The following CSMD1 variants were observed in gnomAD, a reference collection of about 807,000 sequenced individuals.
CSMD1 encodes the protein CUB and sushi domain-containing protein 1.
In CSMD1, 213 loss-of-function variants were observed where a neutral mutation model predicts 417.5. The observed-to-expected ratio is 0.51, with a 90% CI of 0.46 to 0.57. The LOEUF (loss-of-function observed/expected upper bound fraction) is 0.57. CSMD1 is among the 20% of genes least tolerant of loss of function. CSMD1 has a pLI of 0.00. For missense variants in CSMD1, 6,923 were observed against 4,529.7 expected (o/e 1.53, Z -15.17); for synonymous variants, 2,862 against 1,736.8 (o/e 1.65, Z -16.11).
At chr8:3,291,348 T>G (rs1449059003) in intron 25 of CSMD1, among the ~76,000 whole-genome samples, 1 of 50,822 alleles carries the variant, frequency 2.0e-5, no homozygotes, top group Non-Finnish European at 4.6e-5. Flanking sequence ...ATAAAATAAG[T>G]TAGGGAGGAT....
intron 1 of CSMD1, among the ~76,000 whole-genome samples, chr8:4,832,917 T>G (rs556102783): frequency 1.3e-5 from 2 of 152,212 alleles, no homozygotes; most frequent in Admixed American, 1.3e-4. Flanking sequence ...CACTCTAAGT[T>G]TAGTACCCTT....
chr8:4,219,504 C>A (rs991485573), intron 3 of CSMD1, among the ~76,000 whole-genome samples: 8 of 152,186 alleles, frequency 5.3e-5, no homozygotes, highest in South Asian at 2.1e-4. Context: ...TGGGTGTTCC[C>A]AACATTTCTC....
At chr8:4,360,169 G>A (rs902836990) in intron 3 of CSMD1, among the ~76,000 whole-genome samples, 3 of 152,162 alleles carry the variant, frequency 2.0e-5, no homozygotes, top group East Asian at 3.9e-4. Context: ...ACACGTGAGA[G>A]TGACTGTCAC....
chr8:3,685,087 C>T (rs573905030), intron 7 of CSMD1, among the ~76,000 whole-genome samples: 1 of 152,182 alleles, frequency 6.6e-6, no homozygotes, highest in African/African-American at 2.4e-5. Flanking sequence ...CATTATAAAA[C>T]GATTTACTGG....
chr8:3,096,384 A>C (rs1314674291), intron 47 of CSMD1, among the ~76,000 whole-genome samples: 1 of 152,158 alleles, frequency 6.6e-6, no homozygotes, highest in Non-Finnish European at 1.5e-5. Context: ...TTCTCCTGAT[A>C]GTAAGTCCCA....
chr8:4,773,402 T>G (rs749494574), intron 1 of CSMD1, among the ~76,000 whole-genome samples: 1 of 152,148 alleles, frequency 6.6e-6, no homozygotes, highest in Admixed American at 6.6e-5. Flanking sequence ...GCTCCTTGTT[T>G]CTGCAGCAGT....
chr8:3,987,666 C>A lies in CSMD1; in HGVS notation c.818+10237G>T, dbSNP rs555753948. Among the ~76,000 whole-genome samples, 206 of 152,186 alleles carry A rather than the reference C, an allele frequency of 1.4e-3. 1 individual carries two copies. Among genetic ancestry groups the A allele is most frequent in the African/African-American group, 4.8e-3 (199 of 41,522 alleles). On this transcript the variant is annotated intron_variant, in intron 5 of 69. Coordinates refer to ENST00000635120, the MANE Select transcript of CSMD1 (RefSeq NM_033225.6). ...GCTGATAAAGCAGAAGAGACAGTTC[C>A]CAGACAGAGAAAATGGATTGAAAAC...
At chr8:3,757,465 T>G (rs1198834901) in intron 5 of CSMD1, among the ~76,000 whole-genome samples, 1 of 152,216 alleles carries the variant, frequency 6.6e-6, no homozygotes, top group Non-Finnish European at 1.5e-5. Context: ...TTTGATTGTA[T>G]TTTTTCAGTC....
chr8:4,167,528 G>A (rs188792841), intron 3 of CSMD1, among the ~76,000 whole-genome samples: 2 of 152,104 alleles, frequency 1.3e-5, no homozygotes, highest in Non-Finnish European at 2.9e-5. Flanking sequence ...AGCTACCTCT[G>A]ATTTATATAA....
At chr8:4,476,056 G>A (rs1455026174) in intron 2 of CSMD1, among the ~76,000 whole-genome samples, 2 of 151,874 alleles carry the variant, frequency 1.3e-5, no homozygotes, top group African/African-American at 4.8e-5. Context: ...TTCTGGTTAA[G>A]ACAGTGTGAT....
At chr8:3,308,073 GTGA>G (rs1563254204) in intron 24 of CSMD1, among the ~76,000 whole-genome samples, 9 of 73,898 alleles carry the variant, frequency 1.2e-4, no homozygotes, top group Admixed American at 4.7e-4. Flanking sequence ...CTAATAATAT[GTGA>G]TAATTCTAAT....
chr8:4,831,770 G>C (rs1278787719), intron 1 of CSMD1, among the ~76,000 whole-genome samples: 4 of 151,996 alleles, frequency 2.6e-5, no homozygotes, highest in Admixed American at 6.6e-5. Flanking sequence ...ACAACTTTAG[G>C]GAGATGACTG....
chr8:4,354,991 G>T (rs144922731), intron 3 of CSMD1, among the ~76,000 whole-genome samples: 1 of 151,538 alleles, frequency 6.6e-6, no homozygotes, highest in Non-Finnish European at 1.5e-5. Context: ...GGCCAGGCAC[G>T]GTGGCTCACG....
rs151315419 is a variant in CSMD1 at position 4,443,266 on chromosome 8, A to C, written c.303-23201T>G. 9.8e-4 allele frequency among the ~76,000 whole-genome samples: 150 copies of C among 152,314 alleles called. 1 individual carries two copies. Among genetic ancestry groups the C allele is most frequent in the African/African-American group, 3.5e-3 (145 of 41,576 alleles). ...TGGATAATGTCAAATCATCAGCATC[A>C]ATCAATCTTCGCCTAAGTTTTGTAT... is the stretch of plus-strand genomic sequence containing the variant. On this transcript the variant is annotated intron_variant, in intron 2 of 69. Coordinates refer to ENST00000635120, the MANE Select transcript of CSMD1 (RefSeq NM_033225.6).
At chr8:4,384,316 A>C (rs112453604) in intron 3 of CSMD1, among the ~76,000 whole-genome samples, 106 of 152,294 alleles carry the variant, frequency 7.0e-4, no homozygotes, top group African/African-American at 2.3e-3. Flanking sequence ...GCAGTTCCGA[A>C]ATCTACCTCA....
intron 26 of CSMD1, among the ~76,000 whole-genome samples, chr8:3,250,839 C>G (rs1800204302): frequency 6.6e-6 from 1 of 152,094 alleles, no homozygotes; most frequent in Admixed American, 6.6e-5. Flanking sequence ...TTTCATGTGT[C>G]TGTTGGCTGC....
intron 1 of CSMD1, among the ~76,000 whole-genome samples, chr8:4,915,314 G>A (rs1399793732): frequency 1.3e-5 from 2 of 152,082 alleles, no homozygotes; most frequent in African/African-American, 4.8e-5. Context: ...TTCCCGTGTG[G>A]ATTTATTGCA....
intron 11 of CSMD1, among the ~76,000 whole-genome samples, chr8:3,469,940 T>C (rs1165976001): frequency 3.3e-5 from 5 of 152,256 alleles, no homozygotes; most frequent in African/African-American, 1.2e-4. Context: ...GCTTGTTTTG[T>C]TGGCTTGTTT....
intron 25 of CSMD1, among the ~76,000 whole-genome samples, chr8:3,306,403 A>T (rs1373140256): frequency 1.3e-5 from 2 of 152,024 alleles, no homozygotes; most frequent in Non-Finnish European, 2.9e-5. Context: ...CGAACTACTG[A>T]TCTTAAGTGA....
Sources: gnomAD v4.1 joint callset for allele counts (sites outside exome capture counted in the v4.1 genomes callset) on GRCh38, gnomAD v4.1.1 for gene constraint, MANE v1.5 for transcripts, NCBI Gene and HGNC (gene_info 2026-07-23, HGNC 2026-07-21) for gene names.